The following CEP350 variants were observed in gnomAD, a reference collection of about 807,000 sequenced individuals.
CEP350 encodes the protein centrosomal protein 350, also known as centrosome-associated protein 350.
CEP350 carries 126 observed loss-of-function variants against 331.8 expected under a neutral mutation model. The observed-to-expected ratio is 0.38, with a 90% CI of 0.33 to 0.44. The LOEUF (loss-of-function observed/expected upper bound fraction) is 0.44, where lower values mean the gene tolerates loss of function less well. Ranked by LOEUF, CEP350 falls within the 20% of genes least tolerant of loss-of-function variation. The pLI, the probability that CEP350 is intolerant of heterozygous loss-of-function variation, is 1.00. For synonymous variants in CEP350, 1,200 were observed against 1,259.5 expected (o/e 0.95, Z 1.00); for missense variants, 3,406 against 3,634.6 (o/e 0.94, Z 1.62).
At chr1:180,014,584 C>T (rs1177285682) in intron 10 of CEP350, 79 bp downstream of exon 10, 11 of 1,323,442 alleles carry the variant, frequency 8.3e-6, no homozygotes, top group Non-Finnish European at 1.1e-5. Flanking sequence ...AAAAATTACC[C>T]ATCATTCCTA....
intron 9 of CEP350, among the ~76,000 whole-genome samples, chr1:180,013,279 T>C (rs1654771838): frequency 6.6e-6 from 1 of 152,160 alleles, no homozygotes; most frequent in South Asian, 2.1e-4. Flanking sequence ...TACCTGAACA[T>C]GGTGCCATTT....
In CEP350 at chr1:180,032,855, A is replaced by C. The variant is rs542665287; in HGVS notation, c.3726-1007A>C. 2.0e-5 allele frequency among the ~76,000 whole-genome samples: 3 copies of C among 152,218 alleles called. No homozygotes were observed. In the South Asian group the frequency reaches 6.2e-4, roughly 32 times the overall value. On this transcript the variant is annotated intron_variant, in intron 15 of 37. Coordinates refer to ENST00000367607, the MANE Select transcript of CEP350 (RefSeq NM_014810.5). ...TGTTGTGTTTTAATTATTTAACAGA[A>C]ATCTGTTAAAATGATCATTCTTTTT...
At chr1:179,996,071 A>C (rs1235887158) in intron 5 of CEP350, among the ~76,000 whole-genome samples, 1 of 152,162 alleles carries the variant, frequency 6.6e-6, no homozygotes, top group Admixed American at 6.5e-5. Flanking sequence ...GTTCTTAGGA[A>C]ATCTCTTTAC....
At chr1:179,968,279 C>T (rs531565374) in intron 1 of CEP350, among the ~76,000 whole-genome samples, 15 of 149,292 alleles carry the variant, frequency 1.0e-4, no homozygotes, top group East Asian at 2.0e-4. Flanking sequence ...TGCAGTGAGC[C>T]GAGATTGCGC....
chr1:179,998,298 A>ATTAATTTTCTTTTT, intron 6 of CEP350, among the ~76,000 whole-genome samples: 1 of 91,082 alleles, frequency 1.1e-5, no homozygotes, highest in African/African-American at 4.6e-5. Context: ...TGTTTCTTCT[A>ATTAATTTTCTTTTT]TTTTCTTTTT....
rs530134109 is a variant in CEP350, at chr1:180,106,375, G to A, written c.9190-4622G>A. Among the ~76,000 whole-genome samples the A allele has an allele frequency of 1.2e-3, 178 of 152,188 alleles. 4 individuals carry two copies. The South Asian group carries it at 0.035, about 30-fold the overall frequency. On this transcript the variant is annotated intron_variant, in intron 37 of 37. Transcript: ENST00000367607. ...TGCTTCTATAGCTTTGGGGCTTTAC[G>A]TAACAACTTTAATTTTTTCTACACC... is the stretch of plus-strand genomic sequence containing the variant.
intron 9 of CEP350, among the ~76,000 whole-genome samples, 158 bp downstream of exon 9, chr1:180,012,233 G>A (rs1654706187): frequency 6.6e-6 from 1 of 152,108 alleles, no homozygotes; most frequent in African/African-American, 2.4e-5. Flanking sequence ...GCTTGGTTAT[G>A]GATAATATCT....
intron 37 of CEP350, among the ~76,000 whole-genome samples, chr1:180,108,651 G>A (rs1311879814): frequency 6.6e-6 from 1 of 152,170 alleles, no homozygotes; most frequent in Non-Finnish European, 1.5e-5. Context: ...TCTTATATTA[G>A]GCTGTTTATT....
At position 180,080,619 on chromosome 1, in the gene CEP350, T is replaced by G. The variant is rs769639591; in HGVS notation, c.6082T>G (p.Cys2028Gly). 2.2e-5 allele frequency: 35 copies of G among 1,613,868 alleles called. No homozygotes were observed. Among genetic ancestry groups the G allele is most frequent in the Admixed American group, 5.0e-5 (3 of 60,012 alleles). The change falls in exon 30 of 38, where the codon TGT (cysteine) becomes GGT (glycine). Residue 2028 changes from cysteine (C) to glycine (G), a missense_variant. Transcript: ENST00000367607. ...CCTGCCTATCAAGTCCCATCAGCAC[T>G]GTTATAGTTGGTCAGATGAGTCATT... ...CHLPIKSHQH[C>G]YSWSDESLSM...
intron 28 of CEP350, among the ~76,000 whole-genome samples, chr1:180,075,481 G>A (rs1659161890): frequency 6.6e-6 from 1 of 152,022 alleles, no homozygotes; most frequent in South Asian, 2.1e-4. Flanking sequence ...AGCTACTGAG[G>A]CAAGAGGCTT....
chr1:180,114,251 G>A lies in CEP350; in HGVS notation c.*3090G>A, dbSNP rs374486528. On this transcript the variant is annotated 3_prime_UTR_variant, in exon 38 of 38. Transcript: ENST00000367607. The stretch of plus-strand genomic sequence containing the variant: ...TTGAATAAAGTGTGTACTCGCAAAA[G>A]AATTTCTGTAGCACAGCATTAGAGA... 6.6e-6 allele frequency: 1 copy of A among 152,550 alleles called. No individual in the cohort carries two copies. Among genetic ancestry groups the A allele is most frequent in the Non-Finnish European group, 1.5e-5 (1 of 68,004 alleles). The allele number at this position is 152,550 out of a possible 1,614,324, so 9.4% of individuals were successfully genotyped here. A position where few individuals can be genotyped will look rare whatever the true frequency, so the allele number is the denominator to read the frequency against.
intron 16 of CEP350, 39 bp from the exon 17 acceptor site, chr1:180,036,887 A>T: frequency 1.4e-6 from 2 of 1,461,262 alleles, no homozygotes; most frequent in Non-Finnish European, 1.8e-6. Flanking sequence ...GTGTAATTTC[A>T]TGTTAACTTT....
In CEP350 at chr1:180,018,853, C is replaced by CTTCCT. The variant is rs1553255696; in HGVS notation, c.2175-1094_2175-1093insCCTTT. ...AAAGCCTCATGTTCGTCTTCTCTTT[C>CTTCCT]TTTCTTTTTTTTTTTTTTTTTCTGA... On this transcript the variant is annotated intron_variant, in intron 11 of 37. Coordinates refer to ENST00000367607, the MANE Select transcript of CEP350 (RefSeq NM_014810.5). Among the ~76,000 whole-genome samples the CTTCCT allele has an allele frequency of 2.9e-4, 24 of 83,794 alleles. 5 individuals carry two copies. The highest frequency in any genetic ancestry group is 6.8e-4 in the Admixed American group (4 of 5,916). 55.0% of individuals were successfully genotyped at this position (83,794 alleles called of 152,430 possible).
intron 18 of CEP350, 76 bp from the exon 19 acceptor site, chr1:180,041,586 A>G: frequency 7.4e-7 from 1 of 1,353,030 alleles, no homozygotes; most frequent in Non-Finnish European, 1.0e-6. Context: ...CATGAAATAA[A>G]TTTATAAATT....
At chr1:180,106,384 T>G (rs1474105641) in intron 37 of CEP350, among the ~76,000 whole-genome samples, 3 of 152,306 alleles carry the variant, frequency 2.0e-5, no homozygotes, top group South Asian at 2.1e-4. Context: ...CGTAACAACT[T>G]TAATTTTTTC....
At chr1:180,013,730 T>C in intron 9 of CEP350, 117 bp from the exon 10 acceptor site, 1 of 928,150 alleles carries the variant, frequency 1.1e-6, no homozygotes, top group Non-Finnish European at 1.6e-6. Flanking sequence ...CTGTAAGATA[T>C]TTGAATTTGA....
chr1:179,973,217 C>T (rs1651589711), intron 1 of CEP350, among the ~76,000 whole-genome samples: 1 of 152,202 alleles, frequency 6.6e-6, no homozygotes, highest in African/African-American at 2.4e-5. Context: ...TAAGTTGTAG[C>T]CTAATAATCA....
intron 14 of CEP350, among the ~76,000 whole-genome samples, chr1:180,027,185 C>T (rs1655734892): frequency 6.6e-6 from 1 of 152,096 alleles, no homozygotes; most frequent in Admixed American, 6.5e-5. Flanking sequence ...AGCAAGAGTC[C>T]TTCCAGACAA....
intron 1 of CEP350, among the ~76,000 whole-genome samples, chr1:179,959,606 T>G (rs1313055806): frequency 6.6e-6 from 1 of 151,820 alleles, no homozygotes; most frequent in Non-Finnish European, 1.5e-5. Context: ...AGTAAAAAAC[T>G]AGCTGGGCAT....
Sources: allele counts gnomAD v4.1 joint callset (sites outside exome capture counted in the v4.1 genomes callset), GRCh38; gene constraint gnomAD v4.1.1; transcripts MANE v1.5; gene names NCBI Gene and HGNC (gene_info 2026-07-23, HGNC 2026-07-21).